The following TAFA5 variants were observed in gnomAD, a reference collection of about 807,000 sequenced individuals.
TAFA5 encodes chemokine-like protein TAFA-5.
In TAFA5, 6 loss-of-function variants were observed where a neutral mutation model predicts 15.3. That is an observed-to-expected ratio of 0.39 (90% CI 0.21 to 0.77). The LOEUF is 0.77. Among genes scored for constraint, TAFA5 ranks in the 30% least tolerant of loss-of-function variants. TAFA5 has a pLI of 0.41. For synonymous variants in TAFA5, 103 were observed against 80.7 expected (o/e 1.28, Z -1.48); for missense variants, 161 against 193.1 (o/e 0.83, Z 0.98).
intron 2 of TAFA5, among the ~76,000 whole-genome samples, chr22:48,652,526 C>T (rs529182576): frequency 5.0e-4 from 76 of 152,338 alleles, no homozygotes; most frequent in African/African-American, 1.7e-3. Context: ...CTGCGTTGAG[C>T]CCTGACCACC....
chr22:48,624,588 C>T (rs898244760), intron 1 of TAFA5, among the ~76,000 whole-genome samples: 12 of 152,138 alleles, frequency 7.9e-5, no homozygotes, highest in African/African-American at 2.9e-4. Flanking sequence ...CTTTATTTAC[C>T]GGGTTGCCAG....
intron 1 of TAFA5, among the ~76,000 whole-genome samples, chr22:48,506,464 G>A (rs1477817429): frequency 1.3e-5 from 2 of 152,188 alleles, no homozygotes; most frequent in Non-Finnish European, 2.9e-5. Context: ...ACAAAAACGC[G>A]GCATGTCCAG....
At chr22:48,555,741 G>T (rs1212852678) in intron 1 of TAFA5, among the ~76,000 whole-genome samples, 2 of 152,184 alleles carry the variant, frequency 1.3e-5, no homozygotes, top group Non-Finnish European at 2.9e-5. Flanking sequence ...TGAGACAGGA[G>T]CCCAGGAAGC....
At position 48,742,499 on chromosome 22, in the gene TAFA5, G is replaced by T. The variant is rs1286580892; in HGVS notation, c.391-7340G>T. On this transcript the variant is annotated intron_variant, in intron 3 of 3. Coordinates refer to ENST00000402357, the MANE Select transcript of TAFA5 (RefSeq NM_001082967.3). This position sits in a 1 kb window ranked among gnomAD's most constrained non-coding sequence, Gnocchi z 6.2. ...GCGGCGCAGTGGAGCGGGCGTTGTG[G>T]TGGACCCGGTGGCGTGGCAGACCAG... is the stretch of plus-strand genomic sequence containing the variant. 6.6e-6 allele frequency among the ~76,000 whole-genome samples: 1 copy of T among 152,186 alleles called. No individual in the cohort carries two copies. The highest frequency in any genetic ancestry group is 2.4e-5 in the African/African-American group (1 of 41,438).
Position 48,733,154 on chromosome 22 carries a change from T to C in TAFA5, c.391-16685T>C, listed in dbSNP as rs188389888. 3.4e-4 allele frequency among the ~76,000 whole-genome samples: 52 copies of C among 152,354 alleles called. No homozygotes were observed. The East Asian group carries it at 0.01, about 29-fold the overall frequency. ...GCCTGTATTTCAAAATCAGGTAGAA[T>C]GACTATATCACCAGACTGAATATTT... On this transcript the variant is annotated intron_variant, in intron 3 of 3. Transcript: ENST00000402357.
chr22:48,582,917 C>T (rs1315732373), intron 1 of TAFA5, among the ~76,000 whole-genome samples: 1 of 145,686 alleles, frequency 6.9e-6, no homozygotes, highest in Non-Finnish European at 1.5e-5. Flanking sequence ...ACAAAATACA[C>T]CACACACGCC....
At chr22:48,510,675 G>A (rs187103831) in intron 1 of TAFA5, among the ~76,000 whole-genome samples, 1 of 152,184 alleles carries the variant, frequency 6.6e-6, no homozygotes, top group African/African-American at 2.4e-5. Flanking sequence ...TGGCTTGAAG[G>A]CCTCCTCCTC....
chr22:48,672,767 A>AT (rs760440112), intron 2 of TAFA5, among the ~76,000 whole-genome samples: 7 of 152,194 alleles, frequency 4.6e-5, no homozygotes, highest in Non-Finnish European at 5.9e-5. Flanking sequence ...GGAAGTTCAG[A>AT]TTTAGCTCAG....
At chr22:48,636,291 A>C (rs560241791) in intron 1 of TAFA5, among the ~76,000 whole-genome samples, 14 of 152,304 alleles carry the variant, frequency 9.2e-5, no homozygotes, top group African/African-American at 3.1e-4. Flanking sequence ...CCGTGGGGGA[A>C]CCGGGCTTCC....
At chr22:48,695,703 G>A (rs1278999451) in intron 2 of TAFA5, among the ~76,000 whole-genome samples, 12 of 152,148 alleles carry the variant, frequency 7.9e-5, no homozygotes, top group Admixed American at 5.9e-4. Flanking sequence ...GTTTGGGGGT[G>A]GGCAAGGGCA....
chr22:48,744,753 TTTTTC>T (rs1226766632), intron 3 of TAFA5, among the ~76,000 whole-genome samples: 4 of 152,128 alleles, frequency 2.6e-5, no homozygotes, highest in African/African-American at 9.7e-5. Flanking sequence ...CGGGTTCCTT[TTTTTC>T]TTTTCTTTAT....
intron 2 of TAFA5, among the ~76,000 whole-genome samples, chr22:48,698,356 A>G (rs956178806): frequency 6.7e-6 from 1 of 148,162 alleles, no homozygotes; most frequent in Non-Finnish European, 1.5e-5. Flanking sequence ...CATCCCAGCT[A>G]CTCAGGAGGC....
chr22:48,537,609 C>T (rs1455283440), intron 1 of TAFA5, among the ~76,000 whole-genome samples: 1 of 152,234 alleles, frequency 6.6e-6, no homozygotes, highest in African/African-American at 2.4e-5. Flanking sequence ...AAGGAGCTCC[C>T]GATGAGTGTC....
chr22:48,527,774 G>C (rs1921830082), intron 1 of TAFA5, among the ~76,000 whole-genome samples: 1 of 152,204 alleles, frequency 6.6e-6, no homozygotes, highest in Non-Finnish European at 1.5e-5. Context: ...TGGTTGAGGG[G>C]AGCAGCTGTG....
chr22:48,546,119 G>A (rs533949687), intron 1 of TAFA5, among the ~76,000 whole-genome samples: 1 of 152,340 alleles, frequency 6.6e-6, no homozygotes, highest in African/African-American at 2.4e-5. Flanking sequence ...GGAGGAGCAG[G>A]TGGGCTCGCT....
intron 1 of TAFA5, among the ~76,000 whole-genome samples, chr22:48,509,906 A>C (rs1177756530): frequency 4.6e-5 from 7 of 150,894 alleles, no homozygotes; most frequent in Admixed American, 3.3e-4. Flanking sequence ...AGCTGAGATC[A>C]CGCCACTGCA....
chr22:48,718,163 G>A (rs998593517), intron 3 of TAFA5, among the ~76,000 whole-genome samples: 1 of 152,208 alleles, frequency 6.6e-6, no homozygotes, highest in African/African-American at 2.4e-5. Flanking sequence ...AGGCAGGCGA[G>A]AGCCGAGGTG....
At chr22:48,694,394 G>A (rs1205341168) in intron 2 of TAFA5, among the ~76,000 whole-genome samples, 3 of 152,168 alleles carry the variant, frequency 2.0e-5, no homozygotes, top group South Asian at 2.1e-4. Flanking sequence ...GACACCCTGC[G>A]CGTTTCCTGG....
chr22:48,501,378 CG>C (rs1357195996), intron 1 of TAFA5, among the ~76,000 whole-genome samples: 1 of 152,242 alleles, frequency 6.6e-6, no homozygotes, highest in African/African-American at 2.4e-5. Context: ...TTCCCGCCCT[CG>C]CGTCTGGGCG....
Sources: gnomAD v4.1 joint callset for allele counts (sites outside exome capture counted in the v4.1 genomes callset) on GRCh38, gnomAD v4.1.1 for gene constraint, Gnocchi (gnomAD v3.1) non-coding constraint, MANE v1.5 for transcripts, NCBI Gene and HGNC (gene_info 2026-07-23, HGNC 2026-07-21) for gene names.